Variants in GPC5 observed in about 807,000 individuals in gnomAD.
GPC5 encodes glypican-5.
In GPC5, 47 loss-of-function variants were observed where a neutral mutation model predicts 53.9. That is an observed-to-expected ratio of 0.87 (90% CI 0.69 to 1.11). The LOEUF (loss-of-function observed/expected upper bound fraction) is 1.11, where lower values mean the gene tolerates loss of function less well. GPC5 is among the 50% of genes most tolerant of loss of function. GPC5 has a pLI of 0.00. For synonymous variants in GPC5, 286 were observed against 263.3 expected (o/e 1.09, Z -0.84); for missense variants, 748 against 713.1 (o/e 1.05, Z -0.56).
At chr13:91,954,418 G>A (rs2040054907) in intron 6 of GPC5, among the ~76,000 whole-genome samples, 1 of 152,104 alleles carries the variant, frequency 6.6e-6, no homozygotes, top group Non-Finnish European at 1.5e-5. Context: ...AGAGATGCAA[G>A]CTTGGTTTGA....
intron 6 of GPC5, among the ~76,000 whole-genome samples, chr13:92,007,092 A>G (rs2040614276): frequency 5.3e-5 from 8 of 152,150 alleles, no homozygotes; most frequent in Admixed American, 5.2e-4. Flanking sequence ...TTAAACCATA[A>G]AAGTTCAGTA....
intron 7 of GPC5, among the ~76,000 whole-genome samples, chr13:92,700,423 G>A (rs933924306): frequency 2.0e-5 from 3 of 151,752 alleles, no homozygotes; most frequent in Non-Finnish European, 4.4e-5. Flanking sequence ...TTTAATTGGG[G>A]CAATTAGCCC....
At chr13:92,443,723 A>T (rs1216080627) in intron 7 of GPC5, among the ~76,000 whole-genome samples, 1 of 152,210 alleles carries the variant, frequency 6.6e-6, no homozygotes, top group Non-Finnish European at 1.5e-5. Context: ...GGTATGTAGA[A>T]CATGTTACAA....
At chr13:92,814,028 C>A (rs1175291171) in intron 7 of GPC5, among the ~76,000 whole-genome samples, 1 of 151,932 alleles carries the variant, frequency 6.6e-6, no homozygotes, top group Non-Finnish European at 1.5e-5. Context: ...GGTATCAAGA[C>A]AGACATGTGG....
chr13:91,755,298 G>A (rs990033509), intron 4 of GPC5, among the ~76,000 whole-genome samples: 1 of 152,016 alleles, frequency 6.6e-6, no homozygotes, highest in Non-Finnish European at 1.5e-5. Context: ...CTTAATGAGG[G>A]TGACATTTCA....
intron 7 of GPC5, among the ~76,000 whole-genome samples, chr13:92,797,681 A>G (rs1320297474): frequency 3.3e-5 from 5 of 151,910 alleles, no homozygotes; most frequent in African/African-American, 1.2e-4. Flanking sequence ...TTTCAATGCC[A>G]TGAAAATGCT....
intron 2 of GPC5, among the ~76,000 whole-genome samples, chr13:91,563,491 G>A (rs944339522): frequency 4.2e-4 from 64 of 152,270 alleles, no homozygotes; most frequent in African/African-American, 1.5e-3. Context: ...TTTCAGGGTT[G>A]ATAGTTATAA....
rs59112183 is a variant in GPC5 at position 92,586,965 on chromosome 13, C to T, written c.1562-279317C>T. On this transcript the variant is annotated intron_variant, in intron 7 of 7. Coordinates refer to ENST00000377067, the MANE Select transcript of GPC5 (RefSeq NM_004466.6). ...TCTTGCATACACACACACACACACG[C>T]GCACACACACACACGCACACACACT... 2.8e-3 allele frequency among the ~76,000 whole-genome samples: 314 copies of T among 110,588 alleles called. 1 individual carries two copies. Among genetic ancestry groups the T allele is most frequent in the Non-Finnish European group, 4.7e-3 (237 of 50,088 alleles). The allele number at this position is 110,588 out of a possible 152,430, so 72.6% of individuals were successfully genotyped here. A position where few individuals can be genotyped will look rare whatever the true frequency, so the allele number is the denominator to read the frequency against.
At chr13:92,736,872 AT>A (rs1476703413) in intron 7 of GPC5, among the ~76,000 whole-genome samples, 2 of 151,924 alleles carry the variant, frequency 1.3e-5, no homozygotes, top group Non-Finnish European at 2.9e-5. Context: ...TGATTAATGA[AT>A]TGAATTAATG....
At chr13:91,829,744 G>A (rs370884232) in intron 5 of GPC5, among the ~76,000 whole-genome samples, 5 of 151,974 alleles carry the variant, frequency 3.3e-5, no homozygotes, top group African/African-American at 7.2e-5. Flanking sequence ...CTGGGCATCC[G>A]GGGGAGACAT....
chr13:92,212,244 T>A (rs886518238), intron 7 of GPC5, among the ~76,000 whole-genome samples: 2 of 152,128 alleles, frequency 1.3e-5, no homozygotes, highest in African/African-American at 4.8e-5. Context: ...CCTCTAGCTA[T>A]GCAAACTGAG....
At chr13:91,949,071 T>A (rs1248413027) in intron 6 of GPC5, among the ~76,000 whole-genome samples, 2 of 152,176 alleles carry the variant, frequency 1.3e-5, no homozygotes, top group African/African-American at 2.4e-5. Flanking sequence ...TACTCATACA[T>A]AACTCATGGC....
rs1243658590 is a variant in GPC5, at chr13:92,280,554, TTTTA to T, written c.1561+135571_1561+135574del. 6.6e-5 allele frequency among the ~76,000 whole-genome samples: 10 copies of T among 152,328 alleles called. No homozygotes were observed. In the East Asian group the frequency reaches 1.9e-3, roughly 29 times the overall value. On this transcript the variant is annotated intron_variant, in intron 7 of 7. Coordinates refer to ENST00000377067, the MANE Select transcript of GPC5 (RefSeq NM_004466.6). ...ATAAGTTTCGTTATGTTGTTTCCAT[TTTTA>T]TTTATCTCAAATGATTTATTTGTTC...
intron 6 of GPC5, among the ~76,000 whole-genome samples, chr13:92,080,423 G>A (rs565964130): frequency 5.9e-5 from 9 of 152,104 alleles, no homozygotes; most frequent in African/African-American, 1.7e-4. Flanking sequence ...TCTCACACTC[G>A]AACTACCACA....
At chr13:92,046,108 A>C (rs573483154) in intron 6 of GPC5, among the ~76,000 whole-genome samples, 72 of 132,174 alleles carry the variant, frequency 5.4e-4, no homozygotes, top group African/African-American at 2.1e-3. Flanking sequence ...ACAGAGTGAG[A>C]CTATATCAAA....
chr13:92,641,782 A>G (rs1885601739), intron 7 of GPC5, among the ~76,000 whole-genome samples: 1 of 152,224 alleles, frequency 6.6e-6, no homozygotes. Context: ...ATCCTTTTCT[A>G]TAAATAAAGT....
intron 4 of GPC5, among the ~76,000 whole-genome samples, chr13:91,737,177 G>A (rs2036834800): frequency 6.6e-6 from 1 of 151,310 alleles, no homozygotes; most frequent in South Asian, 2.1e-4. Flanking sequence ...GGAATCTCCT[G>A]TTTTTAGGAA....
intron 7 of GPC5, among the ~76,000 whole-genome samples, chr13:92,840,445 A>G (rs1028216058): frequency 7.2e-5 from 11 of 151,962 alleles, no homozygotes; most frequent in African/African-American, 2.7e-4. Flanking sequence ...TCGACTCCCT[A>G]AATTTATTCC....
intron 3 of GPC5, among the ~76,000 whole-genome samples, chr13:91,717,670 T>C (rs182662444): frequency 1.1e-4 from 16 of 152,028 alleles, no homozygotes; most frequent in African/African-American, 3.9e-4. Context: ...GATTTTCCTG[T>C]CTCAGCCTCC....
Sources: allele counts gnomAD v4.1 joint callset (sites outside exome capture counted in the v4.1 genomes callset), GRCh38; gene constraint gnomAD v4.1.1; transcripts MANE v1.5; gene names NCBI Gene and HGNC (gene_info 2026-07-23, HGNC 2026-07-21).